LOX: variants seen among roughly 807,000 people sequenced by gnomAD.
The protein encoded by LOX is protein-lysine 6-oxidase.
LOX carries 12 observed loss-of-function variants against 50.5 expected under a neutral mutation model. The ratio of observed to expected loss-of-function variants is 0.24; its 90% CI spans 0.15 to 0.38. The LOEUF is 0.38. Ranked by LOEUF, LOX falls within the 10% of genes least tolerant of loss-of-function variation. The probability of loss-of-function intolerance (pLI) is 1.00; values close to 1 mark genes in which losing one functional copy is unlikely to be tolerated. For synonymous variants in LOX, 254 were observed against 230.6 expected, an observed-to-expected ratio of 1.10 and a Z score of -0.92; for missense variants, 504 against 563.8, an observed-to-expected ratio of 0.89 and a Z score of 1.07.
At chr5:122,075,650 T>C (rs1754596646) in intron 2 of LOX, 109 bp from the exon 3 acceptor site, 2 of 686,352 alleles carry the variant, frequency 2.9e-6, no homozygotes, top group Non-Finnish European at 4.5e-6. Context: ...CTTTCCCAAC[T>C]AGACTATCAG....
At chr5:122,076,802 T>G in intron 2 of LOX, 91 bp downstream of exon 2, 1 of 1,107,062 alleles carries the variant, frequency 9.0e-7, no homozygotes. Flanking sequence ...CTAACACTTG[T>G]CTGCGCGAAG....
rs1203877864 is a variant in LOX, at chr5:122,064,459, G to A, written c.*2284C>T. 6.6e-6 allele frequency: 1 copy of A among 150,752 alleles called. No individual in the cohort carries two copies. The highest frequency in any genetic ancestry group is 1.5e-5 in the Non-Finnish European group (1 of 67,616). The allele number at this position is 150,752 out of a possible 1,614,324, so 9.3% of individuals were successfully genotyped here. A position where few individuals can be genotyped will look rare whatever the true frequency, so the allele number is the denominator to read the frequency against. On this transcript the variant is annotated 3_prime_UTR_variant, in exon 7 of 7. Transcript: ENST00000231004. ...GCTTCCTAATTGAAAAAAAAAAATC[G>A]TCAAAATTAACCAAATAGTAGGTGT...
At chr5:122,069,957 T>G (rs890037326) in intron 6 of LOX, 96 bp downstream of exon 6, 7 of 883,138 alleles carry the variant, frequency 7.9e-6, no homozygotes, top group Admixed American at 3.4e-5. Context: ...AGAAAGCTGC[T>G]GTAGTAGCAG....
At chr5:122,071,650 A>C (rs1754456074) in intron 4 of LOX, among the ~76,000 whole-genome samples, 1 of 152,210 alleles carries the variant, frequency 6.6e-6, no homozygotes, top group Non-Finnish European at 1.5e-5. Flanking sequence ...AGTTCTTCAC[A>C]AAAAGTTTTA....
At position 122,064,396 on chromosome 5, in the gene LOX, G is replaced by A. The variant is rs1025352335; in HGVS notation, c.*2347C>T. On this transcript the variant is annotated 3_prime_UTR_variant, in exon 7 of 7. Transcript: ENST00000231004. Reference sequence around the variant, plus strand: ...GGTGTGTTTAGAGGTGCCAGGAGGGGGATGAATGTTCATATAAGGAATAAA... The same window carrying A: ...GGTGTGTTTAGAGGTGCCAGGAGGGAGATGAATGTTCATATAAGGAATAAA... 2 of 151,402 alleles carry A rather than the reference G, an allele frequency of 1.3e-5. No homozygotes were observed. The highest frequency in any genetic ancestry group is 4.9e-5 in the African/African-American group (2 of 41,236). 9.4% of individuals were successfully genotyped at this position (151,402 alleles called of 1,614,324 possible). A position where few individuals can be genotyped will look rare whatever the true frequency, so the allele number is the denominator to read the frequency against.
Position 122,077,145 on chromosome 5 carries a change from A to T in LOX, c.632-144T>A. 1 of 1,469,022 alleles carries T rather than the reference A, an allele frequency of 6.8e-7. No individual in the cohort carries two copies. The highest frequency in any genetic ancestry group is 9.0e-7 in the Non-Finnish European group (1 of 1,116,004). 91.0% of individuals were successfully genotyped at this position (1,469,022 alleles called of 1,614,324 possible). A position where few individuals can be genotyped will look rare whatever the true frequency, so the allele number is the denominator to read the frequency against. ...GCGGAGGACAGCAAGAGAACTGGGG[A>T]CGCCCGGGACTGCAAAGCAATGTGA... On this transcript the variant is annotated intron_variant, in intron 1 of 6. Coordinates refer to ENST00000231004, the MANE Select transcript of LOX (RefSeq NM_002317.7). This position sits in a 1 kb window ranked among gnomAD's most constrained non-coding sequence, Gnocchi z 4.9.
chr5:122,074,018 T>C lies in LOX; in HGVS notation c.1030A>G (p.Thr344Ala), dbSNP rs535032095. ...ATTTCAGGGTGCCAACATACCTGTG[T>C]GTGTGCAGTACATGCAAATCGCCTG... is the stretch of plus-strand genomic sequence containing the variant. The part of the protein sequence containing the change: ...YHRRFACTAH[T>A]QGLSPGCYDT... The change falls in exon 4 of 7, where the codon ACA (threonine) becomes GCA (alanine). Residue 344 changes from threonine to alanine, a missense_variant. Physicochemically the swap from Thr to Ala is moderately conservative, Grantham distance 58. Transcript: ENST00000231004. The C allele has an allele frequency of 1.1e-5, 17 of 1,613,344 alleles. No homozygotes were observed. The highest frequency in any genetic ancestry group is 1.0e-5 in the Non-Finnish European group (12 of 1,179,580).
Position 122,077,017 on chromosome 5 carries a change from C to T in LOX, c.632-16G>A. On this transcript the variant is annotated splice_polypyrimidine_tract_variant and intron_variant, in intron 1 of 6. Coordinates refer to ENST00000231004, the MANE Select transcript of LOX (RefSeq NM_002317.7). This position sits in a 1 kb window ranked among gnomAD's most constrained non-coding sequence, Gnocchi z 4.9. ...TCTGGGAGACCTAAACGTCAGCAGG[C>T]GACGGGCGCAGCAGTGAAACAACCC... 1.2e-6 allele frequency: 2 copies of T among 1,611,610 alleles called. No individual in the cohort carries two copies. The highest frequency in any genetic ancestry group is 2.7e-5 in the African/African-American group (2 of 75,018).
intron 4 of LOX, among the ~76,000 whole-genome samples, chr5:122,071,403 T>G (rs1161929643): frequency 6.6e-6 from 1 of 152,052 alleles, no homozygotes; most frequent in Non-Finnish European, 1.5e-5. Flanking sequence ...CCCACTATAC[T>G]CTCTCTCATA....
chr5:122,076,974 T>C lies in LOX; in HGVS notation c.659A>G (p.Tyr220Cys). The part of the protein sequence containing the change: ...YGLPDLVADP[Y>C]YIQASTYVQK... ...CACGTACGTGGACGCCTGGATGTAG[T>C]AGGGGTCGGCCACCAGGTCTGGGAG... Residue 220 changes from tyrosine to cysteine, a missense_variant, in exon 2 of 7, where the codon TAC (tyrosine) becomes TGC (cysteine). By Grantham distance (194) the Tyr-to-Cys change is radical (BLOSUM62 -2). Transcript: ENST00000231004. The C allele has an allele frequency of 6.2e-7, 1 of 1,613,620 alleles. No homozygotes were observed. Among genetic ancestry groups the C allele is most frequent in the Non-Finnish European group, 8.5e-7 (1 of 1,179,934 alleles).
intron 6 of LOX, among the ~76,000 whole-genome samples, chr5:122,068,174 TAAAAAAAAAAAAA>T (rs10650287): frequency 8.6e-6 from 1 of 115,910 alleles, no homozygotes; most frequent in Non-Finnish European, 1.7e-5. Context: ...TAATAACTAG[TAAAAAAAAAAAAA>T]AAAAAAAAAA....
chr5:122,074,319 G>A (rs1412126500), intron 3 of LOX, 150 bp from the exon 4 acceptor site: 1 of 642,328 alleles, frequency 1.6e-6, no homozygotes, highest in African/African-American at 1.8e-5. Flanking sequence ...TTCATGCTAG[G>A]GTTTTTTTTT....
chr5:122,073,451 T>G (rs1229355319), intron 4 of LOX, among the ~76,000 whole-genome samples: 2 of 152,244 alleles, frequency 1.3e-5, no homozygotes, highest in East Asian at 3.8e-4. Flanking sequence ...TAAAGTGCTT[T>G]TAAAGAAACT....
rs1754419854 is a variant in LOX, at chr5:122,070,560, A to G, written c.1065T>C (p.Tyr355=). 1.9e-6 allele frequency: 3 copies of G among 1,606,810 alleles called. No individual in the cohort carries two copies. The highest frequency in any genetic ancestry group is 1.7e-4 in the Middle Eastern group (1 of 5,970). ...QGLSPGCYDT[Y]GADIDCQWID... is the part of the protein sequence containing the mutation. ...TCCACTGGCAGTCTATGTCTGCACCATAGGTATCATAACAGCCAGGACTCA... is the reference window on the plus strand; with the variant it reads ...TCCACTGGCAGTCTATGTCTGCACCGTAGGTATCATAACAGCCAGGACTCA... Residue 355 remains tyrosine, a synonymous_variant, in exon 5 of 7, where the codon TAT becomes TAC. Transcript: ENST00000231004.
In LOX at chr5:122,063,829, G is replaced by T. The variant is rs911180641; in HGVS notation, c.*2914C>A. On this transcript the variant is annotated 3_prime_UTR_variant, in exon 7 of 7. Transcript: ENST00000231004. ...CATTTCTTCTAGAATCCGAATATTG[G>T]GAATGTTTATAAGTGTGACTATCCT... The T allele has an allele frequency of 1.3e-5, 2 of 151,690 alleles. No individual in the cohort carries two copies. The highest frequency in any genetic ancestry group is 2.1e-4 in the South Asian group (1 of 4,826). The allele number at this position is 151,690 out of a possible 1,614,324, so 9.4% of individuals were successfully genotyped here.
chr5:122,065,855 T>A lies in LOX; in HGVS notation c.*888A>T, dbSNP rs1301434305. ...ATTGTATCTTTGGCAAATACTTTAA[T>A]ATGTTTAAATGCATTTTACCTCTGG... On this transcript the variant is annotated 3_prime_UTR_variant, in exon 7 of 7. Transcript: ENST00000231004. The A allele has an allele frequency of 6.6e-6, 1 of 152,088 alleles. No homozygotes were observed. The highest frequency in any genetic ancestry group is 2.4e-5 in the African/African-American group (1 of 41,434). The allele number at this position is 152,088 out of a possible 1,614,324, so 9.4% of individuals were successfully genotyped here.
At chr5:122,076,338 C>T (rs1934575875) in intron 2 of LOX, among the ~76,000 whole-genome samples, 1 of 152,172 alleles carries the variant, frequency 6.6e-6, no homozygotes, top group African/African-American at 2.4e-5. Flanking sequence ...ACCCAGAGAA[C>T]CCCAATCCCA....
In LOX at chr5:122,077,951, G is replaced by C. The variant is rs561937884; in HGVS notation, c.35C>G (p.Pro12Arg). ...GTGCACTAGCGCGCAGAGCTGCAAA[G>C]GCCCGAGCAGGAGCACGGTCCAGGC... ...RFAWTVLLLG[P>R]LQLCALVHCA... is the part of the protein sequence containing the mutation. Residue 12 changes from proline to arginine, a missense_variant, in exon 1 of 7, where the codon CCT becomes CGT. Transcript: ENST00000231004. The surrounding 1 kb of genome is among the most constrained non-coding windows in gnomAD (Gnocchi z 4.9). 13 of 1,478,952 alleles carry C rather than the reference G, an allele frequency of 8.8e-6. No individual in the cohort carries two copies. The highest frequency in any genetic ancestry group is 1.2e-5 in the Non-Finnish European group (13 of 1,123,808). The allele number at this position is 1,478,952 out of a possible 1,614,324, so 91.6% of individuals were successfully genotyped here. A position where few individuals can be genotyped will look rare whatever the true frequency, so the allele number is the denominator to read the frequency against.
chr5:122,066,993 A>G (rs571430856), intron 6 of LOX, among the ~76,000 whole-genome samples: 1 of 152,270 alleles, frequency 6.6e-6, no homozygotes, highest in South Asian at 2.1e-4. Flanking sequence ...CAAAGAAACC[A>G]CTTCTGAAAC....
Sources: gnomAD v4.1 joint callset for allele counts (sites outside exome capture counted in the v4.1 genomes callset) on GRCh38, gnomAD v4.1.1 for gene constraint, Gnocchi (gnomAD v3.1) non-coding constraint, MANE v1.5 for transcripts, NCBI Gene and HGNC (gene_info 2026-07-23, HGNC 2026-07-21) for gene names.